IFNG-AS1: variants seen among roughly 807,000 people sequenced by gnomAD.
IFNG-AS1 encodes the protein IFNG antisense RNA 1 (non-protein coding).
chr12:68,020,237 T>A (rs528931872), intron 4 of IFNG-AS1: 1 of 152,188 alleles, frequency 6.6e-6, no homozygotes, highest in Non-Finnish European at 1.5e-5. Context: ...TCATGACATG[T>A]GACATGTTGA....
chr12:67,990,150 T>C (rs913373240), intron 1 of IFNG-AS1, among the ~76,000 whole-genome samples: 1 of 152,242 alleles, frequency 6.6e-6, no homozygotes, highest in Non-Finnish European at 1.5e-5. Context: ...CACTACTGGT[T>C]CAGTTCCAAG....
intron 2 of IFNG-AS1, among the ~76,000 whole-genome samples, chr12:68,004,335 C>T (rs1444880366): frequency 6.6e-6 from 1 of 152,214 alleles, no homozygotes; most frequent in African/African-American, 2.4e-5. Flanking sequence ...CTTCCTCTCT[C>T]TCCCCAGAGG....
intron 1 of IFNG-AS1, chr12:67,995,876 T>C (rs1017503859): frequency 5.3e-5 from 8 of 152,050 alleles, no homozygotes; most frequent in South Asian, 2.1e-4. Context: ...TAGGAAGAAA[T>C]ATATCAGCTG....
At chr12:67,991,369 G>C (rs927026383) in intron 1 of IFNG-AS1, among the ~76,000 whole-genome samples, 1 of 152,178 alleles carries the variant, frequency 6.6e-6, no homozygotes, top group Non-Finnish European at 1.5e-5. Flanking sequence ...CCGTGGGGTT[G>C]AGAGGTGTGG....
chr12:67,992,153 T>C (rs574186692), intron 1 of IFNG-AS1, among the ~76,000 whole-genome samples: 85 of 152,364 alleles, frequency 5.6e-4, no homozygotes, highest in South Asian at 1.0e-3. Flanking sequence ...CATAGACACC[T>C]ACAAATAATA....
chr12:68,010,274 T>G (rs1446477731), intron 3 of IFNG-AS1, among the ~76,000 whole-genome samples: 2 of 152,210 alleles, frequency 1.3e-5, no homozygotes, highest in Non-Finnish European at 2.9e-5. Context: ...AGATGACCTT[T>G]GTTCAGCATT....
At chr12:68,016,380 A>G in intron 3 of IFNG-AS1, among the ~76,000 whole-genome samples, 1 of 152,140 alleles carries the variant, frequency 6.6e-6, no homozygotes, top group Non-Finnish European at 1.5e-5. Context: ...TGGTTTTAAT[A>G]AGTCACCCAC....
At chr12:68,018,720 G>T (rs1291832904) in intron 3 of IFNG-AS1, among the ~76,000 whole-genome samples, 1 of 151,984 alleles carries the variant, frequency 6.6e-6, no homozygotes, top group Non-Finnish European at 1.5e-5. Flanking sequence ...GTATTAACAG[G>T]CATGCTCAGG....
At chr12:68,000,379 G>A (rs114665624) in intron 2 of IFNG-AS1, among the ~76,000 whole-genome samples, 1,733 of 152,148 alleles carry the variant, frequency 0.011, 38 homozygotes, top group African/African-American at 0.039. Flanking sequence ...TAAAAATGTT[G>A]GCCACATGCA....
chr12:67,993,100 C>T (rs977783248), intron 1 of IFNG-AS1, among the ~76,000 whole-genome samples: 20 of 152,270 alleles, frequency 1.3e-4, no homozygotes, highest in Non-Finnish European at 2.8e-4. Flanking sequence ...CCATTAGGCT[C>T]GAATCACTTT....
intron 3 of IFNG-AS1, among the ~76,000 whole-genome samples, chr12:68,011,227 G>A (rs1880019467): frequency 6.6e-6 from 1 of 152,202 alleles, no homozygotes; most frequent in Non-Finnish European, 1.5e-5. Flanking sequence ...CACTTGTTTG[G>A]TGGTTCTTTG....
intron 2 of IFNG-AS1, chr12:68,001,539 G>A (rs552649356): frequency 1.6e-4 from 35 of 214,904 alleles, no homozygotes; most frequent in East Asian, 9.4e-4. Context: ...AAAACCTTGC[G>A]AGCAGACATA....
At chr12:68,017,840 A>T (rs1273996740) in intron 3 of IFNG-AS1, among the ~76,000 whole-genome samples, 2 of 152,162 alleles carry the variant, frequency 1.3e-5, no homozygotes, top group African/African-American at 2.4e-5. Context: ...TGGCCATATC[A>T]CTGGGAAAGT....
chr12:68,003,360 G>A (rs931445581), intron 2 of IFNG-AS1, among the ~76,000 whole-genome samples: 26 of 151,260 alleles, frequency 1.7e-4, no homozygotes, highest in African/African-American at 6.1e-4. Context: ...AGTCCCAGAG[G>A]AAAAGCCTAC....
intron 1 of IFNG-AS1, among the ~76,000 whole-genome samples, chr12:67,995,419 C>CAAAAA (rs34141511): frequency 1.3e-5 from 1 of 78,624 alleles, no homozygotes; most frequent in Non-Finnish European, 2.2e-5. Flanking sequence ...GACTCCATTT[C>CAAAAA]AAAAAAAAAA....
At chr12:68,014,108 A>T (rs955849222) in intron 3 of IFNG-AS1, among the ~76,000 whole-genome samples, 26 of 152,182 alleles carry the variant, frequency 1.7e-4, no homozygotes, top group African/African-American at 5.3e-4. Flanking sequence ...GGTCTCTGAG[A>T]ATGTCATTAA....
intron 1 of IFNG-AS1, among the ~76,000 whole-genome samples, chr12:67,992,386 T>C (rs1879537690): frequency 6.6e-6 from 1 of 152,190 alleles, no homozygotes; most frequent in South Asian, 2.1e-4. Flanking sequence ...GATCTTTCTA[T>C]CTCGAATAAT....
At chr12:68,020,073 G>T (rs1256436779) in intron 4 of IFNG-AS1, 1 of 152,152 alleles carries the variant, frequency 6.6e-6, no homozygotes, top group Non-Finnish European at 1.5e-5. Context: ...ACTCACAAAA[G>T]ATTAGAAAAG....
chr12:68,005,436 C>T (rs371740145), intron 2 of IFNG-AS1, among the ~76,000 whole-genome samples: 44 of 152,186 alleles, frequency 2.9e-4, no homozygotes, highest in African/African-American at 1.0e-3. Context: ...TCCCCTTACA[C>T]CCACCTCTTT....
Sources: gnomAD v4.1 joint callset for allele counts (sites outside exome capture counted in the v4.1 genomes callset) on GRCh38, gnomAD v4.1.1 for gene constraint, MANE v1.5 for transcripts, NCBI Gene and HGNC (gene_info 2026-07-23, HGNC 2026-07-21) for gene names.